Variants in OSBPL9 observed in about 807,000 individuals in gnomAD.
The protein encoded by OSBPL9 is oxysterol-binding protein-related protein 9.
Under a neutral mutation model 106.6 loss-of-function variants are expected in OSBPL9, and 40 were observed. That is an observed-to-expected ratio of 0.38 (90% CI 0.29 to 0.49). The LOEUF (loss-of-function observed/expected upper bound fraction) is 0.49. Among genes scored for constraint, OSBPL9 ranks in the 20% least tolerant of loss-of-function variants. OSBPL9 has a pLI of 0.97. For synonymous variants in OSBPL9, 269 were observed against 295.4 expected, an observed-to-expected ratio of 0.91 and a Z score of 0.92; for missense variants, 609 against 887.2, an observed-to-expected ratio of 0.69 and a Z score of 3.98.
At chr1:51,734,830 C>T (rs1665285771) in intron 4 of OSBPL9, among the ~76,000 whole-genome samples, 1 of 152,012 alleles carries the variant, frequency 6.6e-6, no homozygotes, top group Non-Finnish European at 1.5e-5. Context: ...GGTCGCCTTT[C>T]CCCCCCAAAC....
At chr1:51,555,786 G>A in the OSBPL9 span, among the ~76,000 whole-genome samples, 3 of 152,168 alleles carry the variant, frequency 2.0e-5, no homozygotes, top group African/African-American at 7.2e-5. Context: ...GGTCAGGCTG[G>A]TTTTGAACTC....
At chr1:51,765,277 G>A (rs1319241854) in intron 11 of OSBPL9, among the ~76,000 whole-genome samples, 1 of 152,132 alleles carries the variant, frequency 6.6e-6, no homozygotes, top group Admixed American at 6.5e-5. Context: ...CCACCTCTGA[G>A]CCCCTGACTT....
intron 1 of OSBPL9, among the ~76,000 whole-genome samples, chr1:51,582,170 G>A (rs1645224246): frequency 6.6e-6 from 1 of 152,114 alleles, no homozygotes. Flanking sequence ...AGAAATTTAA[G>A]GCAAATTTTC....
At chr1:51,616,031 G>A (rs554795514), upstream of OSBPL9, among the ~76,000 whole-genome samples, 1 of 84,986 alleles carries the variant, frequency 1.2e-5, no homozygotes, top group East Asian at 3.6e-4. Flanking sequence ...TTTTTTTTGT[G>A]TGAGAGAGAA....
At chr1:51,598,385 T>G (rs1216275972) in intron 2 of OSBPL9, among the ~76,000 whole-genome samples, 1 of 152,254 alleles carries the variant, frequency 6.6e-6, no homozygotes, top group Non-Finnish European at 1.5e-5. Flanking sequence ...TGGATTTAGT[T>G]CCTCTGGGCC....
At position 51,702,602 on chromosome 1, in the gene OSBPL9, C is replaced by T. The variant is rs1657540921; in HGVS notation, c.242-11401C>T. On this transcript the variant is annotated intron_variant, in intron 3 of 23. Coordinates refer to ENST00000428468, the MANE Select transcript of OSBPL9 (RefSeq NM_024586.6). Reference sequence around the variant, plus strand: ...TCTCCCATTCTGTAGGTTGCCTGTTCAGTCTGATGGTAGTTTCTTTTGCTG... The same window carrying T: ...TCTCCCATTCTGTAGGTTGCCTGTTTAGTCTGATGGTAGTTTCTTTTGCTG... 3.3e-5 allele frequency among the ~76,000 whole-genome samples: 5 copies of T among 152,254 alleles called. No homozygotes were observed. In the South Asian group the frequency reaches 1.0e-3, roughly 32 times the overall value.
chr1:51,581,843 G>A (rs888100561), intron 1 of OSBPL9, among the ~76,000 whole-genome samples: 19 of 152,140 alleles, frequency 1.2e-4, no homozygotes, highest in African/African-American at 3.6e-4. Context: ...TAGCCATTGG[G>A]AGCTCTTTCA....
the OSBPL9 span, among the ~76,000 whole-genome samples, chr1:51,540,418 A>T: frequency 2.0e-5 from 3 of 151,886 alleles, no homozygotes; most frequent in Admixed American, 6.6e-5. Context: ...GCACTTTAGG[A>T]GGCCGAGGTG....
chr1:51,778,568 TTATC>T (rs1675591444), intron 15 of OSBPL9, among the ~76,000 whole-genome samples: 1 of 152,186 alleles, frequency 6.6e-6, no homozygotes, highest in African/African-American at 2.4e-5. Context: ...AAGCATCTAT[TTATC>T]AAGAATAAAT....
chr1:51,530,822 C>G, the OSBPL9 span, among the ~76,000 whole-genome samples: 1 of 151,008 alleles, frequency 6.6e-6, no homozygotes, highest in African/African-American at 2.4e-5. Flanking sequence ...GGGTGAAACC[C>G]TGCCTCTACT....
intron 16 of OSBPL9, 194 bp downstream of exon 16, chr1:51,781,529 T>G (rs1024667962): frequency 9.2e-6 from 5 of 544,890 alleles, no homozygotes; most frequent in African/African-American, 5.6e-5. Flanking sequence ...AGGATGGGGA[T>G]GTAGAAATCA....
At chr1:51,545,792 C>G in the OSBPL9 span, among the ~76,000 whole-genome samples, 1 of 152,070 alleles carries the variant, frequency 6.6e-6, no homozygotes, top group Non-Finnish European at 1.5e-5. Flanking sequence ...AGAGAAAAAT[C>G]AAGAGATGCT....
chr1:51,683,391 GC>G (rs1292950562), intron 3 of OSBPL9, among the ~76,000 whole-genome samples: 31 of 150,932 alleles, frequency 2.1e-4, no homozygotes, highest in Admixed American at 2.0e-3. Flanking sequence ...TGTTGGTCAG[GC>G]TGGTCTCGAA....
At chr1:51,745,256 T>G in intron 4 of OSBPL9, 1 of 321,228 alleles carries the variant, frequency 3.1e-6, no homozygotes, top group East Asian at 8.2e-5. Context: ...TTACAGGGTT[T>G]GGGGGAGATA....
the OSBPL9 span, chr1:51,565,990 A>T: frequency 6.6e-6 from 1 of 152,222 alleles, no homozygotes; most frequent in African/African-American, 2.4e-5. Flanking sequence ...GCCAATGAGT[A>T]TACTCCACAC....
At chr1:51,737,543 GGGGT>G (rs1290976311) in intron 4 of OSBPL9, among the ~76,000 whole-genome samples, 1 of 92,648 alleles carries the variant, frequency 1.1e-5, no homozygotes, top group East Asian at 2.9e-4. Flanking sequence ...TTATATTTCA[GGGGT>G]GTGTGTGTGT....
At chr1:51,697,573 T>C (rs1158280902) in intron 3 of OSBPL9, among the ~76,000 whole-genome samples, 3 of 151,226 alleles carry the variant, frequency 2.0e-5, no homozygotes, top group African/African-American at 7.3e-5. Flanking sequence ...GATATGACTT[T>C]AGGAGGACAG....
At chr1:51,632,117 A>G (rs1238200974) in intron 1 of OSBPL9, among the ~76,000 whole-genome samples, 2 of 152,200 alleles carry the variant, frequency 1.3e-5, no homozygotes, top group Non-Finnish European at 2.9e-5. Flanking sequence ...ATATACACGT[A>G]TATATAAATA....
intron 1 of OSBPL9, among the ~76,000 whole-genome samples, chr1:51,645,080 C>A (rs1436355153): frequency 6.6e-6 from 1 of 152,194 alleles, no homozygotes. Flanking sequence ...CCTTTCCACC[C>A]TCTGCTCTGC....
Sources: gnomAD v4.1 joint callset for allele counts (sites outside exome capture counted in the v4.1 genomes callset) on GRCh38, gnomAD v4.1.1 for gene constraint, MANE v1.5 for transcripts, NCBI Gene and HGNC (gene_info 2026-07-23, HGNC 2026-07-21) for gene names.